The following DISP1 variants were observed in gnomAD, a reference collection of about 807,000 sequenced individuals.
The protein encoded by DISP1 is protein dispatched homolog 1.
A neutral mutation model predicts 37.3 loss-of-function variants in DISP1; 30 were observed. The ratio of observed to expected loss-of-function variants is 0.80; its 90% CI spans 0.60 to 1.09. The LOEUF (loss-of-function observed/expected upper bound fraction) is 1.09, where lower values mean the gene tolerates loss of function less well. DISP1 is among the 50% of genes least tolerant of loss of function. DISP1 has a pLI of 0.00. For missense variants in DISP1, 1,598 were observed against 1,879.5 expected (o/e 0.85, Z 2.77); for synonymous variants, 634 against 690.2 (o/e 0.92, Z 1.28).
At position 222,992,075 on chromosome 1, in the gene DISP1, A is replaced by C. The variant is rs753705345; in HGVS notation, c.854A>C (p.Asn285Thr). The C allele has an allele frequency of 6.2e-7, 1 of 1,614,006 alleles. No homozygotes were observed. The highest frequency in any genetic ancestry group is 8.5e-7 in the Non-Finnish European group (1 of 1,179,922). ...AGAGAGAAAAGAGAAGTTGACTGGAACTTCCACAAGGACAGCTTTTTCTGC... is the reference window on the plus strand; with the variant it reads ...AGAGAGAAAAGAGAAGTTGACTGGACCTTCCACAAGGACAGCTTTTTCTGC... Reference protein sequence around the residue: ...YEREKREVDWNFHKDSFFCDV... With the variant: ...YEREKREVDWTFHKDSFFCDV... The change falls in exon 7 of 9, where the codon AAC (asparagine) becomes ACC (threonine). Residue 285 changes from asparagine to threonine, a missense_variant. Coordinates refer to ENST00000675850, the MANE Select transcript of DISP1 (RefSeq NM_001377229.1).
chr1:222,999,113 C>A (rs1193943169), intron 8 of DISP1, among the ~76,000 whole-genome samples: 1 of 152,098 alleles, frequency 6.6e-6, no homozygotes, highest in African/African-American at 2.4e-5. Context: ...CTGGTTTCTT[C>A]TTTTTCTCTC....
intron 1 of DISP1, among the ~76,000 whole-genome samples, chr1:222,832,090 G>A (rs1341946340): frequency 2.0e-5 from 3 of 151,994 alleles, no homozygotes; most frequent in Non-Finnish European, 4.4e-5. Context: ...AACCAGCCTG[G>A]CCAACATGAT....
intron 1 of DISP1, among the ~76,000 whole-genome samples, chr1:222,842,519 A>G (rs1295111858): frequency 1.3e-5 from 2 of 152,186 alleles, no homozygotes; most frequent in African/African-American, 4.8e-5. Flanking sequence ...TATATTAAAT[A>G]TCAAAAACAG....
chr1:222,985,373 C>T (rs1289655713), intron 4 of DISP1, among the ~76,000 whole-genome samples: 1 of 152,162 alleles, frequency 6.6e-6, no homozygotes, highest in Non-Finnish European at 1.5e-5. Flanking sequence ...TATTTTTGGC[C>T]GGGCACAGTG....
chr1:222,936,642 G>T (rs1251724206), intron 2 of DISP1, among the ~76,000 whole-genome samples: 1 of 95,050 alleles, frequency 1.1e-5, no homozygotes, highest in African/African-American at 4.6e-5. Context: ...ATATATATGA[G>T]ATATATATAT....
intron 1 of DISP1, among the ~76,000 whole-genome samples, chr1:222,883,147 A>T (rs528212807): frequency 3.7e-4 from 56 of 152,232 alleles, no homozygotes; most frequent in Non-Finnish European, 7.1e-4. Flanking sequence ...TTAGAGGGCA[A>T]TTTGGTAATA....
chr1:222,992,036 A>T lies in DISP1; in HGVS notation c.815A>T (p.Asp272Val). The T allele has an allele frequency of 1.2e-6, 2 of 1,613,836 alleles. No homozygotes were observed. The highest frequency in any genetic ancestry group is 1.7e-6 in the Non-Finnish European group (2 of 1,179,750). Residue 272 changes from aspartate (D) to valine (V), a missense_variant, in exon 7 of 9, where the codon GAT becomes GTT. Transcript: ENST00000675850. ...AGCCATCGGGATGATAGATGGTCAG[A>T]TGATCATTATGAAAGAGAGAAAAGA... ...AKSHRDDRWSDDHYEREKREV... is the reference protein window; with the variant it reads ...AKSHRDDRWSVDHYEREKREV...
Position 222,913,312 on chromosome 1 carries a change from G to A in DISP1, c.-158-15118G>A, listed in dbSNP as rs142631982. Among the ~76,000 whole-genome samples, 327 of 152,140 alleles carry A rather than the reference G, an allele frequency of 2.1e-3. 3 individuals carry two copies. The highest frequency in any genetic ancestry group is 7.3e-3 in the African/African-American group (302 of 41,536). On this transcript the variant is annotated intron_variant, in intron 1 of 8. Transcript: ENST00000675850. Reference sequence around the variant, plus strand: ...TAAATTAAGTTTTATTTTTATAGATGAGACCATTCACTTTTATATATCAAA... The same window carrying A: ...TAAATTAAGTTTTATTTTTATAGATAAGACCATTCACTTTTATATATCAAA...
intron 1 of DISP1, among the ~76,000 whole-genome samples, chr1:222,852,615 A>G (rs769849213): frequency 6.6e-6 from 1 of 152,240 alleles, no homozygotes. Flanking sequence ...GTCATTCTTT[A>G]CACATCTTGT....
intron 1 of DISP1, among the ~76,000 whole-genome samples, chr1:222,903,964 A>T (rs777083747): frequency 6.6e-6 from 1 of 152,226 alleles, no homozygotes; most frequent in Non-Finnish European, 1.5e-5. Flanking sequence ...TTTTATTTTC[A>T]TCTGCTTCAG....
intron 1 of DISP1, among the ~76,000 whole-genome samples, chr1:222,920,448 T>G (rs1672750754): frequency 6.6e-6 from 1 of 152,204 alleles, no homozygotes; most frequent in African/African-American, 2.4e-5. Context: ...ACAGTCTACT[T>G]ATTTTGTTAT....
chr1:222,971,799 A>C (rs1218796444), intron 3 of DISP1, among the ~76,000 whole-genome samples: 1 of 152,160 alleles, frequency 6.6e-6, no homozygotes, highest in East Asian at 1.9e-4. Flanking sequence ...CACTGAGGTT[A>C]TAATTAACAC....
rs376406590 is a variant in DISP1 at position 222,822,618 on chromosome 1, CA to C, written c.-159+7541del. On this transcript the variant is annotated intron_variant, in intron 1 of 8. Transcript: ENST00000675850. The stretch of plus-strand genomic sequence containing the variant: ...AATACAATTTGATCATGAGCTAGAA[CA>C]GCTTCATATATCCAGGCCTCAGTGT... Among the ~76,000 whole-genome samples the C allele has an allele frequency of 2.2e-3, 330 of 152,186 alleles. 3 individuals carry two copies. The highest frequency in any genetic ancestry group is 7.4e-3 in the African/African-American group (307 of 41,510).
At chr1:222,923,451 G>A (rs548565181) in intron 1 of DISP1, among the ~76,000 whole-genome samples, 1 of 152,084 alleles carries the variant, frequency 6.6e-6, no homozygotes, top group Non-Finnish European at 1.5e-5. Flanking sequence ...TACCTTATTG[G>A]GGAGCAAAGA....
At chr1:222,944,551 C>T (rs755527279) in intron 3 of DISP1, among the ~76,000 whole-genome samples, 10 of 152,102 alleles carry the variant, frequency 6.6e-5, no homozygotes, top group Non-Finnish European at 1.0e-4. Context: ...TGTTGACAAA[C>T]GTATACAAAA....
At chr1:222,936,896 ATT>A (rs1491326014) in intron 2 of DISP1, among the ~76,000 whole-genome samples, 83 of 35,426 alleles carry the variant, frequency 2.3e-3, no homozygotes, top group Non-Finnish European at 4.1e-3. Flanking sequence ...ATAATATATT[ATT>A]TATATATAAT....
At chr1:222,977,398 G>T in intron 3 of DISP1, among the ~76,000 whole-genome samples, 1 of 144,638 alleles carries the variant, frequency 6.9e-6, no homozygotes. Context: ...ATTTGTTAAG[G>T]ACTTAGTTGT....
rs1318692402 is a variant in DISP1, at chr1:223,003,603, G to T, written c.2206G>T (p.Val736Leu). 3 of 1,614,194 alleles carry T rather than the reference G, an allele frequency of 1.9e-6. No homozygotes were observed. Among genetic ancestry groups the T allele is most frequent in the East Asian group, 4.5e-5 (2 of 44,878 alleles). Residue 736 changes from valine to leucine, a missense_variant, in exon 9 of 9, where the codon GTA (valine) becomes TTA (leucine). Val to Leu is a conservative substitution (Grantham distance 32, BLOSUM62 1). Coordinates refer to ENST00000675850, the MANE Select transcript of DISP1 (RefSeq NM_001377229.1). The surrounding 1 kb of genome is among the most constrained non-coding windows in gnomAD (Gnocchi z 4.3). ...CTTAACTGTAGGTGGGGCCTACATT[G>T]TATGTATAAATCCAAAGATGAAACT... is the stretch of plus-strand genomic sequence containing the variant. Reference protein sequence around the residue: ...LALTVGGAYIVCINPKMKLPS... With the variant: ...LALTVGGAYILCINPKMKLPS...
At chr1:222,867,076 C>A (rs1237804639) in intron 1 of DISP1, among the ~76,000 whole-genome samples, 1 of 152,120 alleles carries the variant, frequency 6.6e-6, no homozygotes, top group African/African-American at 2.4e-5. Flanking sequence ...GTGCAACTGG[C>A]ACATTTTAAA....
Sources: allele counts gnomAD v4.1 joint callset (sites outside exome capture counted in the v4.1 genomes callset), GRCh38; gene constraint gnomAD v4.1.1; non-coding constraint Gnocchi (gnomAD v3.1); transcripts MANE v1.5; gene names NCBI Gene and HGNC (gene_info 2026-07-23, HGNC 2026-07-21).